Variants in DEUP1 observed in about 807,000 individuals in gnomAD.
DEUP1 encodes coiled-coil domain containing 67.
Under a neutral mutation model 87.4 loss-of-function variants are expected in DEUP1, and 82 were observed. That is an observed-to-expected ratio of 0.94 (90% confidence interval 0.78 to 1.13). The LOEUF (loss-of-function observed/expected upper bound fraction) is 1.13, where lower values mean the gene tolerates loss of function less well. Among genes scored for constraint, DEUP1 ranks in the 50% most tolerant of loss-of-function variants. DEUP1 has a pLI of 0.00. For synonymous variants in DEUP1, 214 were observed against 222.7 expected (o/e 0.96, Z 0.35); for missense variants, 663 against 681.5 (o/e 0.97, Z 0.30).
At chr11:93,339,429 A>G (rs1026157158) in intron 2 of DEUP1, among the ~76,000 whole-genome samples, 6 of 152,246 alleles carry the variant, frequency 3.9e-5, no homozygotes, top group Admixed American at 1.3e-4. Context: ...ACTTTATGCT[A>G]ATCTTATAAA....
chr11:93,371,997 C>T (rs3020072), intron 7 of DEUP1, among the ~76,000 whole-genome samples: 63,778 of 147,806 alleles, frequency 0.43, 14,788 homozygotes, highest in Admixed American at 0.59. Flanking sequence ...GGCGGGATCT[C>T]GGCTCACTGC....
rs377399343 is a variant in DEUP1 at position 93,419,860 on chromosome 11, A to G, written c.1638+4746A>G. On this transcript the variant is annotated intron_variant, in intron 13 of 13. Transcript: ENST00000298050. ...CAAAACACCTTCAAAAAAATAATAA[A>G]ATAAAATAAAATAAAATAAAAATTA... Among the ~76,000 whole-genome samples, 13 of 136,720 alleles carry G rather than the reference A, an allele frequency of 9.5e-5. No homozygotes were observed. The East Asian group carries it at 2.5e-3, about 26-fold the overall frequency. The allele number at this position is 136,720 out of a possible 152,430, so 89.7% of individuals were successfully genotyped here. A position where few individuals can be genotyped will look rare whatever the true frequency, so the allele number is the denominator to read the frequency against.
intron 2 of DEUP1, among the ~76,000 whole-genome samples, chr11:93,349,539 G>C (rs893934747): frequency 7.9e-5 from 12 of 151,564 alleles, no homozygotes; most frequent in African/African-American, 2.9e-4. Flanking sequence ...CATACCTGTG[G>C]TATTATCTTA....
At chr11:93,394,386 A>C in intron 9 of DEUP1, 73 bp from the exon 10 acceptor site, 1 of 1,123,768 alleles carries the variant, frequency 8.9e-7, no homozygotes, top group Non-Finnish European at 1.2e-6. Flanking sequence ...AGGACTGAAC[A>C]TGGCCAGTAA....
At position 93,437,672 on chromosome 11, in the gene DEUP1, T is replaced by G. The variant is rs1443715333; in HGVS notation, c.1768T>G (p.Phe590Val). ...TGATGAACTGCAAAGACACACAGAA[T>G]TTACTCTTAATAAATACTCCAAGCT... ...HIDELQRHTE[F>V]TLNKYSKLKQ... The change falls in exon 14 of 14, where the codon TTT (phenylalanine) becomes GTT (valine). Residue 590 changes from phenylalanine (F) to valine (V), a missense_variant. By Grantham distance (50) the Phe-to-Val change is conservative. Coordinates refer to ENST00000298050, the MANE Select transcript of DEUP1 (RefSeq NM_181645.4). 1.9e-6 allele frequency: 3 copies of G among 1,609,802 alleles called. No homozygotes were observed. Among genetic ancestry groups the G allele is most frequent in the South Asian group, 2.2e-5 (2 of 90,962 alleles).
At chr11:93,397,987 C>T (rs1326699263) in intron 11 of DEUP1, among the ~76,000 whole-genome samples, 7 of 151,948 alleles carry the variant, frequency 4.6e-5, no homozygotes, top group South Asian at 4.2e-4. Flanking sequence ...TTTGTTGTTG[C>T]TGCTTGCTTT....
chr11:93,437,383 T>A, intron 13 of DEUP1, 160 bp from the exon 14 acceptor site: 1 of 568,352 alleles, frequency 1.8e-6, no homozygotes. Context: ...TCATTAGTGG[T>A]AACTGAATTA....
intron 13 of DEUP1, among the ~76,000 whole-genome samples, chr11:93,415,356 C>A (rs1947580061): frequency 6.6e-6 from 1 of 152,164 alleles, no homozygotes. Context: ...GCCAGAATTA[C>A]TGGAGATGGT....
rs886970468 is a variant in DEUP1 at position 93,373,830 on chromosome 11, G to A, written c.789+2550G>A. Among the ~76,000 whole-genome samples the A allele has an allele frequency of 9.9e-5, 15 of 151,728 alleles. 1 individual carries two copies. The highest frequency in any genetic ancestry group is 4.6e-4 in the Admixed American group (7 of 15,234). On this transcript the variant is annotated intron_variant, in intron 7 of 13. Coordinates refer to ENST00000298050, the MANE Select transcript of DEUP1 (RefSeq NM_181645.4). ...TAGTAGTTAGATTGCTGGATCAAATGGTAGATCTACCTTGAGTTCTTTAAG... is the reference window on the plus strand; with the variant it reads ...TAGTAGTTAGATTGCTGGATCAAATAGTAGATCTACCTTGAGTTCTTTAAG...
chr11:93,350,496 G>A (rs1375934016), intron 2 of DEUP1, among the ~76,000 whole-genome samples: 4 of 152,146 alleles, frequency 2.6e-5, no homozygotes, highest in Non-Finnish European at 5.9e-5. Context: ...TTCAGACCTA[G>A]GATGGATAAC....
intron 12 of DEUP1, among the ~76,000 whole-genome samples, chr11:93,413,892 T>A (rs537096799): frequency 2.2e-4 from 34 of 152,314 alleles, no homozygotes; most frequent in African/African-American, 8.2e-4. Flanking sequence ...ATTAGACGAA[T>A]AATTGAACTT....
At chr11:93,369,505 T>C (rs1166977615) in intron 5 of DEUP1, among the ~76,000 whole-genome samples, 1 of 152,116 alleles carries the variant, frequency 6.6e-6, no homozygotes, top group Non-Finnish European at 1.5e-5. Flanking sequence ...GTATTTGTTA[T>C]AAGACAGACT....
At chr11:93,335,842 C>G (rs1483022916) in intron 2 of DEUP1, among the ~76,000 whole-genome samples, 1 of 152,160 alleles carries the variant, frequency 6.6e-6, no homozygotes, top group Non-Finnish European at 1.5e-5. Context: ...AGGCCAGGTG[C>G]AGTGGCTGAC....
At chr11:93,414,307 A>G (rs1565344688) in intron 12 of DEUP1, among the ~76,000 whole-genome samples, 1 of 152,114 alleles carries the variant, frequency 6.6e-6, no homozygotes, top group Non-Finnish European at 1.5e-5. Flanking sequence ...AGGTCAGGAG[A>G]TCGAGACCAT....
intron 4 of DEUP1, among the ~76,000 whole-genome samples, chr11:93,362,723 G>C (rs1456241): frequency 0.54 from 81,266 of 151,404 alleles, 22,175 homozygotes; most frequent in Admixed American, 0.65. Flanking sequence ...AGTAAAACAT[G>C]TATCTACACA....
intron 2 of DEUP1, among the ~76,000 whole-genome samples, chr11:93,334,158 C>T (rs950964778): frequency 6.6e-5 from 10 of 152,170 alleles, no homozygotes; most frequent in Admixed American, 4.6e-4. Flanking sequence ...CTGCCTACCA[C>T]GGTCTCCAAA....
rs539406579 is a variant in DEUP1 at position 93,350,514 on chromosome 11, C to A, written c.30-4857C>A. On this transcript the variant is annotated intron_variant, in intron 2 of 13. Coordinates refer to ENST00000298050, the MANE Select transcript of DEUP1 (RefSeq NM_181645.4). The stretch of plus-strand genomic sequence containing the variant: ...AGACCTAGGATGGATAACTTATTTG[C>A]AGTGATATTGAAAAACAGGTCACAA... Among the ~76,000 whole-genome samples the A allele has an allele frequency of 7.1e-4, 108 of 152,240 alleles. 1 individual carries two copies. The highest frequency in any genetic ancestry group is 1.4e-3 in the Non-Finnish European group (95 of 68,012).
intron 2 of DEUP1, among the ~76,000 whole-genome samples, chr11:93,353,335 T>G (rs1944721705): frequency 6.6e-6 from 1 of 152,220 alleles, no homozygotes; most frequent in Non-Finnish European, 1.5e-5. Context: ...TGGGGAGCTC[T>G]GCCCCTGTGG....
intron 2 of DEUP1, among the ~76,000 whole-genome samples, chr11:93,336,967 A>T (rs970241521): frequency 6.6e-6 from 1 of 152,116 alleles, no homozygotes; most frequent in Non-Finnish European, 1.5e-5. Flanking sequence ...CTTCAACCAA[A>T]TTCTCATTTT....
Sources: gnomAD v4.1 joint callset for allele counts (sites outside exome capture counted in the v4.1 genomes callset) on GRCh38, gnomAD v4.1.1 for gene constraint, MANE v1.5 for transcripts, NCBI Gene and HGNC (gene_info 2026-07-23, HGNC 2026-07-21) for gene names.